Variants in SEC14L3 observed in about 807,000 individuals in gnomAD.
The protein encoded by SEC14L3 is SEC14 like lipid binding 3.
Under a neutral mutation model 57.4 loss-of-function variants are expected in SEC14L3, and 56 were observed. The observed-to-expected ratio is 0.97, with a 90% CI of 0.79 to 1.22. SEC14L3 has a LOEUF of 1.22. SEC14L3 is among the 50% of genes most tolerant of loss of function. The probability of loss-of-function intolerance (pLI) is 0.00; values close to 1 mark genes in which losing one functional copy is unlikely to be tolerated. For missense variants in SEC14L3, 485 were observed against 511.7 expected (o/e 0.95, Z 0.50); for synonymous variants, 173 against 194.4 (o/e 0.89, Z 0.92).
At chr22:30,449,248 T>C (rs914525006) in intron 12 of SEC14L3, 2 of 1,550,066 alleles carry the variant, frequency 1.3e-6, no homozygotes, top group Non-Finnish European at 1.7e-6. Context: ...TCCACATCTG[T>C]AAAATTGAGG....
chr22:30,454,456 A>T (rs561938886), downstream of SEC14L3, among the ~76,000 whole-genome samples: 1 of 122,000 alleles, frequency 8.2e-6, no homozygotes, highest in South Asian at 2.7e-4. Context: ...ACGAAAAAAT[A>T]ACCCTTGTTT....
At chr22:30,455,656 T>C (rs1935108058), downstream of SEC14L3, among the ~76,000 whole-genome samples, 1 of 152,090 alleles carries the variant, frequency 6.6e-6, no homozygotes, top group East Asian at 1.9e-4. Context: ...GGTGGTGGGT[T>C]CTTGGGGAAG....
chr22:30,468,586 G>T lies in SEC14L3; in HGVS notation c.345C>A (p.Val115=). The change falls in exon 5 of 12, where the codon GTC becomes GTA. Residue 115 remains valine (V), a synonymous_variant. Coordinates refer to ENST00000215812, the MANE Select transcript of SEC14L3 (RefSeq NM_174975.5). ...TGGTCTTGAGCAGGTCCTGCTTGGT[G>T]ACTGAGAAGAGCAACCCCTTGGGAT... ...PLDPKGLLFS[V]TKQDLLKTKM... is the part of the protein sequence containing the mutation. The T allele has an allele frequency of 6.2e-7, 1 of 1,613,944 alleles. No individual in the cohort carries two copies. Among genetic ancestry groups the T allele is most frequent in the African/African-American group, 1.3e-5 (1 of 74,980 alleles).
intron 7 of SEC14L3, among the ~76,000 whole-genome samples, chr22:30,465,315 A>G (rs1236730417): frequency 2.0e-5 from 3 of 152,226 alleles, no homozygotes; most frequent in African/African-American, 4.8e-5. Flanking sequence ...CAAATCAGCC[A>G]AACAGCAAAG....
chr22:30,449,018 G>C, exon 13 of SEC14L3: 1 of 1,471,746 alleles, frequency 6.8e-7, no homozygotes, highest in Non-Finnish European at 9.3e-7. Flanking sequence ...ATGGGAAAAA[G>C]AATTAACTGG....
intron 8 of SEC14L3, among the ~76,000 whole-genome samples, chr22:30,462,451 G>A (rs996076816): frequency 3.3e-5 from 5 of 152,126 alleles, no homozygotes; most frequent in Non-Finnish European, 7.3e-5. Context: ...CTGTTGTCCA[G>A]TCTGGAGTGC....
intron 6 of SEC14L3, 112 bp from the exon 7 acceptor site, chr22:30,466,506 C>T (rs1935421467): frequency 2.1e-6 from 3 of 1,423,436 alleles, no homozygotes; most frequent in Non-Finnish European, 9.7e-7. Context: ...GGTTTCCCTT[C>T]ATGCCATCAC....
chr22:30,453,672 C>G (rs1439987803), intron 12 of SEC14L3, among the ~76,000 whole-genome samples: 1 of 152,224 alleles, frequency 6.6e-6, no homozygotes, highest in Non-Finnish European at 1.5e-5. Context: ...CTCGGCCTCC[C>G]GAAGTGCTGG....
rs187095027 is a variant in SEC14L3, at chr22:30,453,947, G to T, written c.905-4703C>A. 1.9e-3 allele frequency among the ~76,000 whole-genome samples: 295 copies of T among 152,252 alleles called. 1 individual carries two copies. The highest frequency in any genetic ancestry group is 6.9e-3 in the African/African-American group (285 of 41,540). Reference sequence around the variant, plus strand: ...GGTCTAGGGGGCCTAGGCACTAACAGAACTAATCTCTCCTCCCCCCAACTG... The same window carrying T: ...GGTCTAGGGGGCCTAGGCACTAACATAACTAATCTCTCCTCCCCCCAACTG... On this transcript the variant is annotated intron_variant, in intron 12 of 12. Transcript: ENST00000403066.
intron 4 of SEC14L3, 109 bp downstream of exon 4, chr22:30,469,910 C>T: frequency 1.3e-6 from 1 of 784,902 alleles, no homozygotes; most frequent in Non-Finnish European, 2.1e-6. Context: ...AGACTGCAGG[C>T]CTGCGGGTTC....
Position 30,461,442 on chromosome 22 carries a change from C to A in SEC14L3, c.949G>T (p.Gly317Ter). Residue 317 changes from glycine (G) to a stop codon, truncating the protein, a stop_gained, in exon 11 of 12, where the codon GGA becomes TGA. Coordinates refer to ENST00000215812, the MANE Select transcript of SEC14L3 (RefSeq NM_174975.5). LOFTEE classifies it high-confidence loss of function. The stretch of plus-strand genomic sequence containing the variant: ...CCCATCTTGGTCTTCAGGAAAACTC[C>A]GAAGCCGATGTCCGCACCATCAGAT... ...FSSDGADIGF[G>*]VFLKTKMGER... 2.5e-6 allele frequency: 4 copies of A among 1,613,908 alleles called. No individual in the cohort carries two copies. Among genetic ancestry groups the A allele is most frequent in the Admixed American group, 1.7e-5 (1 of 60,010 alleles).
At position 30,460,005 on chromosome 22, in the gene SEC14L3, G is replaced by T. The variant is rs757112442; in HGVS notation, c.*16C>A. ...AATCAAAGGGTTAGGAGGTCTCTGA[G>T]AAATGAGGGAGCCACCTAGACAGGG... On this transcript the variant is annotated 3_prime_UTR_variant, in exon 12 of 12. Transcript: ENST00000215812. 2.3e-5 allele frequency: 37 copies of T among 1,613,112 alleles called. No homozygotes were observed. Among genetic ancestry groups the T allele is most frequent in the Non-Finnish European group, 3.1e-5 (36 of 1,179,398 alleles).
chr22:30,451,202 G>C (rs1325898774), intron 12 of SEC14L3, among the ~76,000 whole-genome samples: 2 of 152,222 alleles, frequency 1.3e-5, no homozygotes, highest in Non-Finnish European at 2.9e-5. Context: ...TGTGTGGGCA[G>C]ATGAACGCCA....
Position 30,466,406 on chromosome 22 carries a change from A to C in SEC14L3, c.520-12T>G. ...AGGAGGCCAAAGAACTGTGGAACCA[A>C]GAGAGATCCCTTCAGAGAGCACATC... On this transcript the variant is annotated splice_polypyrimidine_tract_variant and intron_variant, in intron 6 of 11. Transcript: ENST00000215812. The C allele has an allele frequency of 6.2e-7, 1 of 1,614,058 alleles. No homozygotes were observed. The highest frequency in any genetic ancestry group is 8.5e-7 in the Non-Finnish European group (1 of 1,179,966).
At chr22:30,466,942 A>T in intron 6 of SEC14L3, 40 bp downstream of exon 6, 1 of 1,586,176 alleles carries the variant, frequency 6.3e-7, no homozygotes, top group Non-Finnish European at 8.6e-7. Context: ...CAAGCTGGTC[A>T]TCAAAGCAAG....
downstream of SEC14L3, among the ~76,000 whole-genome samples, chr22:30,454,971 AATATATTATTATATATT>A (rs1935079650): frequency 5.0e-5 from 3 of 59,668 alleles, no homozygotes; most frequent in South Asian, 1.9e-3. Context: ...ATAGATATAT[AATATATTATTATATATT>A]ATATATTATA....
In SEC14L3 at chr22:30,464,857, C is replaced by T. The variant is rs1935369656; in HGVS notation, c.627G>A (p.Leu209=). Reference sequence around the variant, plus strand: ...TAATTTTCCTGCGAGTGTCCTCACTCAGGAATGGCTTCATGAGGTTGTAGC... The same window carrying T: ...TAATTTTCCTGCGAGTGTCCTCACTTAGGAATGGCTTCATGAGGTTGTAGC... ...PVGYNLMKPF[L]SEDTRRKIIV... is the part of the protein sequence containing the mutation. The change falls in exon 8 of 12, where the codon CTG becomes CTA. Residue 209 remains leucine, a synonymous_variant. Transcript: ENST00000215812. 6.2e-7 allele frequency: 1 copy of T among 1,614,126 alleles called. No homozygotes were observed. The highest frequency in any genetic ancestry group is 8.5e-7 in the Non-Finnish European group (1 of 1,179,994).
At chr22:30,454,375 G>C (rs2146086481), downstream of SEC14L3, among the ~76,000 whole-genome samples, 1 of 151,730 alleles carries the variant, frequency 6.6e-6, no homozygotes, top group Non-Finnish European at 1.5e-5. Context: ...TCTCTTCTGA[G>C]GAGGAAATTG....
chr22:30,470,013 G>T lies in SEC14L3; in HGVS notation c.234+6C>A. 6.5e-7 allele frequency: 1 copy of T among 1,541,176 alleles called. No individual in the cohort carries two copies. The highest frequency in any genetic ancestry group is 1.3e-5 in the South Asian group (1 of 79,034). On this transcript the variant is annotated splice_donor_region_variant and intron_variant, in intron 4 of 11. Transcript: ENST00000215812. ...AAGACTGAGGTGTTTGGCGGTGTTG[G>T]CTCACCTCTGGGGGCTGCCAATCAA... is the stretch of plus-strand genomic sequence containing the variant.
Sources: allele counts gnomAD v4.1 joint callset (sites outside exome capture counted in the v4.1 genomes callset), GRCh38; gene constraint gnomAD v4.1.1; transcripts MANE v1.5; gene names NCBI Gene and HGNC (gene_info 2026-07-23, HGNC 2026-07-21).